Variants in NF1 observed in about 807,000 individuals in gnomAD.
NF1 encodes neurofibromin 1.
A neutral mutation model predicts 325.7 loss-of-function variants in NF1; 122 were observed. The observed-to-expected ratio is 0.37, with a 90% CI of 0.32 to 0.44. The LOEUF is 0.44. Among genes scored for constraint, NF1 ranks in the 20% least tolerant of loss-of-function variants. The pLI is 1.00. For missense variants in NF1, 2,140 were observed against 3,415.4 expected, an observed-to-expected ratio of 0.63 and a Z score of 9.31; for synonymous variants, 1,091 against 1,186.0, an observed-to-expected ratio of 0.92 and a Z score of 1.65.
chr17:31,222,289 AG>A lies in NF1; in HGVS notation c.1721+361del, dbSNP rs988101127. 6.0e-4 allele frequency: 625 copies of A among 1,046,884 alleles called. 3 individuals carry two copies. The highest frequency in any genetic ancestry group is 1.4e-3 in the Admixed American group (25 of 18,356). The allele number at this position is 1,046,884 out of a possible 1,614,324, so 64.8% of individuals were successfully genotyped here. A position where few individuals can be genotyped will look rare whatever the true frequency, so the allele number is the denominator to read the frequency against. ...AATTTTGTAACAATACTGTTTTTTC[AG>A]TTTTTTGAACTATGATCTTTCATAA... On this transcript the variant is annotated intron_variant, in intron 15 of 57. Coordinates refer to ENST00000358273, the MANE Select transcript of NF1 (RefSeq NM_001042492.3).
chr17:31,256,021 A>G (rs548579755), intron 31 of NF1, among the ~76,000 whole-genome samples: 1 of 152,318 alleles, frequency 6.6e-6, no homozygotes, highest in Admixed American at 6.5e-5. Flanking sequence ...TGAGATGCTA[A>G]TTCTTTTAAA....
At position 31,159,040 on chromosome 17, in the gene NF1, T is replaced by G. The variant is rs764855221; in HGVS notation, c.235T>G (p.Leu79Val). 1 of 1,609,042 alleles carries G rather than the reference T, an allele frequency of 6.2e-7. No individual in the cohort carries two copies. Among genetic ancestry groups the G allele is most frequent in the Non-Finnish European group, 8.5e-7 (1 of 1,175,616 alleles). ...ATTTGGAGAAGCTGCTGAAAAAAAT[T>G]TATATCTCTCTCAGTTGATTATATT... ...RIFGEAAEKN[L>V]YLSQLIILDT... Residue 79 changes from leucine (L) to valine (V), a missense_variant, in exon 3 of 58, where the codon TTA becomes GTA. Physicochemically the swap from Leu to Val is conservative, Grantham distance 32. Transcript: ENST00000358273.
At chr17:31,118,468 G>A (rs1220624640) in intron 1 of NF1, among the ~76,000 whole-genome samples, 3 of 152,130 alleles carry the variant, frequency 2.0e-5, no homozygotes, top group South Asian at 2.1e-4. Context: ...CAGGCCCAGT[G>A]TGTGATGTTC....
chr17:31,224,961 C>A, intron 16 of NF1, 134 bp from the exon 17 acceptor site: 1 of 874,412 alleles, frequency 1.1e-6, no homozygotes, highest in African/African-American at 1.7e-5. Context: ...AGTGAATCTC[C>A]TTCAAGTTGG....
rs576000214 is a variant in NF1, at chr17:31,308,612, T to A, written c.4836-17208T>A. Among the ~76,000 whole-genome samples the A allele has an allele frequency of 4.7e-5, 7 of 149,080 alleles. No homozygotes were observed. In the Admixed American group the frequency reaches 4.7e-4, roughly 10 times the overall value. ...TGCTAAACAGACACTTCTATGCTGT[T>A]TTTTACCCTTCTCAAGGGTGTTCTT... is the stretch of plus-strand genomic sequence containing the variant. On this transcript the variant is annotated intron_variant, in intron 36 of 57. Transcript: ENST00000358273.
At chr17:31,162,518 A>T (rs1007105696) in intron 3 of NF1, among the ~76,000 whole-genome samples, 1 of 152,192 alleles carries the variant, frequency 6.6e-6, no homozygotes, top group Middle Eastern at 3.2e-3. Context: ...AAAAATGCCT[A>T]TGAAAGACAT....
intron 1 of NF1, among the ~76,000 whole-genome samples, chr17:31,114,143 A>G (rs1204217949): frequency 1.3e-5 from 2 of 152,234 alleles, no homozygotes; most frequent in African/African-American, 2.4e-5. Context: ...GAAAATATGT[A>G]TAGCTGCTGT....
chr17:31,138,003 C>G (rs972645055), intron 1 of NF1: 7 of 151,962 alleles, frequency 4.6e-5, no homozygotes, highest in Admixed American at 4.6e-4. Context: ...TTTGTCCTTG[C>G]TATTCTGCAG....
intron 31 of NF1, among the ~76,000 whole-genome samples, chr17:31,256,629 A>G (rs1274078221): frequency 6.6e-6 from 1 of 152,188 alleles, no homozygotes; most frequent in East Asian, 1.9e-4. Flanking sequence ...GGAATAGTCA[A>G]AGCACTGGAA....
chr17:31,162,100 C>CTATGGG (rs1021651129), intron 3 of NF1, among the ~76,000 whole-genome samples: 1 of 150,828 alleles, frequency 6.6e-6, no homozygotes, highest in Non-Finnish European at 1.5e-5. Context: ...GCAAATCAAC[C>CTATGGG]TATGTCACTG....
At chr17:31,227,647 C>A (rs1282066967) in intron 20 of NF1, 41 bp downstream of exon 20, 2 of 1,504,268 alleles carry the variant, frequency 1.3e-6, no homozygotes, top group Non-Finnish European at 1.9e-6. Flanking sequence ...AACTGATCTG[C>A]TAAATATATG....
chr17:31,181,612 C>A, intron 6 of NF1, 98 bp from the exon 7 acceptor site: 1 of 1,264,700 alleles, frequency 7.9e-7, no homozygotes, highest in Non-Finnish European at 1.2e-6. Context: ...AGGAAGAATA[C>A]ATTGTAATAT....
chr17:31,332,136 A>G (rs1184138196), intron 39 of NF1, among the ~76,000 whole-genome samples: 1 of 152,064 alleles, frequency 6.6e-6, no homozygotes, highest in Non-Finnish European at 1.5e-5. Context: ...ATTAAAAACT[A>G]GGAAATACAC....
intron 2 of NF1, 145 bp downstream of exon 2, chr17:31,156,271 C>T: frequency 1.0e-6 from 1 of 977,502 alleles, no homozygotes; most frequent in East Asian, 2.5e-5. Context: ...TTTACGAGCA[C>T]AGATAACCTT....
chr17:31,156,175 T>G, intron 2 of NF1, 49 bp downstream of exon 2: 1 of 1,605,194 alleles, frequency 6.2e-7, no homozygotes, highest in East Asian at 2.2e-5. Context: ...TCTTTTCTTT[T>G]TGATTAAAAA....
In NF1 at chr17:31,187,594, A is replaced by G. The variant is rs1311371712; in HGVS notation, c.888+4929A>G. On this transcript the variant is annotated intron_variant, in intron 8 of 57. Coordinates refer to ENST00000358273, the MANE Select transcript of NF1 (RefSeq NM_001042492.3). ...TCACAATTACAATGCCAACTAGAAG[A>G]CAGTACTTTGCAGGGCTGGAGCAAA... Among the ~76,000 whole-genome samples the G allele has an allele frequency of 2.1e-4, 32 of 152,144 alleles. 1 individual carries two copies. Among genetic ancestry groups the G allele is most frequent in the Admixed American group, 2.1e-3 (32 of 15,274 alleles).
intron 36 of NF1, chr17:31,318,144 A>T: frequency 1.2e-6 from 1 of 800,894 alleles, no homozygotes; most frequent in Non-Finnish European, 1.9e-6. Flanking sequence ...TTAAATAATT[A>T]AGCAGGCATA....
rs1334090917 is a variant in NF1 at position 31,337,318 on chromosome 17, A to C, written c.6428-50A>C. On this transcript the variant is annotated intron_variant, in intron 42 of 57. Coordinates refer to ENST00000358273, the MANE Select transcript of NF1 (RefSeq NM_001042492.3). ...CAAAATGAAACATGGAACTTTAGAA[A>C]TTAAAAAGTAATATTTTCTGTCTTT... The C allele has an allele frequency of 2.8e-6, 4 of 1,423,416 alleles. No homozygotes were observed. The South Asian group carries it at 4.8e-5, about 17-fold the overall frequency. The allele number at this position is 1,423,416 out of a possible 1,614,324, so 88.2% of individuals were successfully genotyped here. A position where few individuals can be genotyped will look rare whatever the true frequency, so the allele number is the denominator to read the frequency against.
rs556279033 is a variant in NF1, at chr17:31,373,568, T to C, written c.8378-445T>C. Reference sequence around the variant, plus strand: ...TAGTAAACATTTTAGCAATTGACTATTAAAATGAAATGTGCATAAACAATT... The same window carrying C: ...TAGTAAACATTTTAGCAATTGACTACTAAAATGAAATGTGCATAAACAATT... On this transcript the variant is annotated intron_variant, in intron 57 of 57. Coordinates refer to ENST00000358273, the MANE Select transcript of NF1 (RefSeq NM_001042492.3). Among the ~76,000 whole-genome samples the C allele has an allele frequency of 1.2e-3, 187 of 152,366 alleles. 1 individual carries two copies. Among genetic ancestry groups the C allele is most frequent in the African/African-American group, 4.2e-3 (174 of 41,586 alleles).
Sources: allele counts gnomAD v4.1 joint callset (sites outside exome capture counted in the v4.1 genomes callset), GRCh38; gene constraint gnomAD v4.1.1; transcripts MANE v1.5; gene names NCBI Gene and HGNC (gene_info 2026-07-23, HGNC 2026-07-21).